The following LRP2 variants were observed in gnomAD, a reference collection of about 807,000 sequenced individuals.
The protein encoded by LRP2 is LDL receptor related protein 2.
In LRP2, 172 loss-of-function variants were observed where a neutral mutation model predicts 531.0. The ratio of observed to expected loss-of-function variants is 0.32; its 90% CI spans 0.29 to 0.37. The LOEUF (loss-of-function observed/expected upper bound fraction) is 0.37, where lower values mean the gene tolerates loss of function less well. Among genes scored for constraint, LRP2 ranks in the 10% least tolerant of loss-of-function variants. LRP2 has a pLI of 1.00. For synonymous variants in LRP2, 1,992 were observed against 2,027.6 expected, an observed-to-expected ratio of 0.98 and a Z score of 0.47; for missense variants, 5,167 against 5,868.3, an observed-to-expected ratio of 0.88 and a Z score of 3.90.
intron 64 of LRP2, among the ~76,000 whole-genome samples, chr2:169,156,921 C>T (rs1334991784): frequency 6.6e-6 from 1 of 152,186 alleles, no homozygotes; most frequent in Non-Finnish European, 1.5e-5. Flanking sequence ...TAAAATCATG[C>T]TCATCACTCA....
intron 1 of LRP2, among the ~76,000 whole-genome samples, chr2:169,323,424 T>C (rs1257446659): frequency 2.0e-5 from 3 of 152,184 alleles, no homozygotes; most frequent in African/African-American, 7.2e-5. Context: ...AAAGGGAATA[T>C]GTGTTGTTTA....
chr2:169,294,116 C>G (rs1418880969), intron 6 of LRP2, 32 bp downstream of exon 6: 2 of 1,462,114 alleles, frequency 1.4e-6, no homozygotes, highest in Non-Finnish European at 1.9e-6. Context: ...ACACTCCCAA[C>G]AACATGACCC....
chr2:169,352,921 A>G (rs1685892199), intron 1 of LRP2, among the ~76,000 whole-genome samples: 1 of 152,184 alleles, frequency 6.6e-6, no homozygotes, highest in Non-Finnish European at 1.5e-5. Context: ...TACCTAATGC[A>G]TGTGAGCCTT....
intron 1 of LRP2, among the ~76,000 whole-genome samples, chr2:169,322,563 C>T (rs1483926464): frequency 6.6e-6 from 1 of 152,204 alleles, no homozygotes; most frequent in Non-Finnish European, 1.5e-5. Flanking sequence ...CAAATTCACT[C>T]TGGAATCCCA....
intron 21 of LRP2, among the ~76,000 whole-genome samples, chr2:169,246,157 T>G (rs1354872170): frequency 6.6e-6 from 1 of 152,148 alleles, no homozygotes; most frequent in East Asian, 1.9e-4. Flanking sequence ...TAATTTTATA[T>G]ACATATTTTT....
chr2:169,183,316 T>G (rs1369655738), intron 50 of LRP2, among the ~76,000 whole-genome samples: 2 of 152,222 alleles, frequency 1.3e-5, no homozygotes. Context: ...GTACAAGTCT[T>G]GCCAGTTAAT....
chr2:169,266,499 C>A (rs1038889648), intron 16 of LRP2, among the ~76,000 whole-genome samples: 5 of 152,028 alleles, frequency 3.3e-5, no homozygotes, highest in Non-Finnish European at 7.4e-5. Flanking sequence ...GCCAAAAATT[C>A]TCTCAACAAC....
At chr2:169,138,857 C>A in intron 74 of LRP2, 151 bp from the exon 75 acceptor site, 1 of 905,856 alleles carries the variant, frequency 1.1e-6, no homozygotes, top group East Asian at 2.6e-5. Context: ...TTTACACTGT[C>A]AAATATGGTA....
intron 16 of LRP2, among the ~76,000 whole-genome samples, chr2:169,262,940 C>T (rs530369157): frequency 2.6e-5 from 4 of 152,072 alleles, no homozygotes; most frequent in South Asian, 2.1e-4. Context: ...GAAATAACGC[C>T]GTATATCTAC....
At chr2:169,337,690 T>A (rs923420548) in intron 1 of LRP2, among the ~76,000 whole-genome samples, 8 of 152,208 alleles carry the variant, frequency 5.3e-5, no homozygotes, top group Admixed American at 5.2e-4. Flanking sequence ...CTCAAAGAAC[T>A]CCTTCCACTG....
chr2:169,272,347 A>T (rs1437991286), intron 15 of LRP2, among the ~76,000 whole-genome samples: 1 of 152,174 alleles, frequency 6.6e-6, no homozygotes, highest in Non-Finnish European at 1.5e-5. Context: ...ATGGAGGCAG[A>T]TACAAGAAAG....
At chr2:169,213,258 C>A (rs980468487) in intron 36 of LRP2, among the ~76,000 whole-genome samples, 23 of 152,258 alleles carry the variant, frequency 1.5e-4, no homozygotes, top group African/African-American at 5.3e-4. Context: ...CCCTGAGCAC[C>A]TTTTATGTGC....
intron 1 of LRP2, among the ~76,000 whole-genome samples, chr2:169,329,378 A>AG (rs1193331799): frequency 2.0e-5 from 3 of 152,164 alleles, no homozygotes; most frequent in Admixed American, 1.3e-4. Context: ...CCTGTCTCTA[A>AG]GAAAAAAAAG....
intron 25 of LRP2, 136 bp downstream of exon 25, chr2:169,240,852 C>CCT: frequency 1.0e-6 from 1 of 996,838 alleles, no homozygotes; most frequent in Non-Finnish European, 1.6e-6. Flanking sequence ...ATGGTTACCC[C>CCT]CTACACAGAT....
chr2:169,271,767 T>C (rs1163952216), intron 15 of LRP2: 13 of 832,536 alleles, frequency 1.6e-5, no homozygotes, highest in African/African-American at 1.8e-5. Flanking sequence ...CATAGAGATC[T>C]ACACCAAGAA....
chr2:169,151,471 G>A (rs1412041555), intron 67 of LRP2, among the ~76,000 whole-genome samples: 1 of 152,048 alleles, frequency 6.6e-6, no homozygotes, highest in African/African-American at 2.4e-5. Flanking sequence ...CATAAGGCAC[G>A]GTGGGGCTGG....
Position 169,255,073 on chromosome 2 carries a change from A to G in LRP2, c.2770+1033T>C, listed in dbSNP as rs573461594. Among the ~76,000 whole-genome samples, 15 of 152,230 alleles carry G rather than the reference A, an allele frequency of 9.9e-5. No homozygotes were observed. The South Asian group carries it at 1.2e-3, about 13-fold the overall frequency. ...TTCTATGCATGTGAGAAAGTCTTTG[A>G]TTTATAGTGAGTGTCTAGTCTTTTC... On this transcript the variant is annotated intron_variant, in intron 19 of 78. Coordinates refer to ENST00000649046, the MANE Select transcript of LRP2 (RefSeq NM_004525.3).
intron 76 of LRP2, among the ~76,000 whole-genome samples, chr2:169,135,239 AG>A (rs1685455868): frequency 6.6e-6 from 1 of 152,098 alleles, no homozygotes; most frequent in African/African-American, 2.4e-5. Context: ...ACTACTCCTC[AG>A]GAATTTCTCA....
At chr2:169,259,846 C>T (rs564539060) in intron 16 of LRP2, among the ~76,000 whole-genome samples, 1 of 152,016 alleles carries the variant, frequency 6.6e-6, no homozygotes, top group East Asian at 1.9e-4. Context: ...GAATAAACAG[C>T]CATACCTCTT....
Sources: gnomAD v4.1 joint callset for allele counts (sites outside exome capture counted in the v4.1 genomes callset) on GRCh38, gnomAD v4.1.1 for gene constraint, MANE v1.5 for transcripts, NCBI Gene and HGNC (gene_info 2026-07-23, HGNC 2026-07-21) for gene names.